AATF: variants seen among roughly 807,000 people sequenced by gnomAD.
AATF encodes apoptosis antagonizing transcription factor.
In AATF, 48 loss-of-function variants were observed where a neutral mutation model predicts 63.7. That is an observed-to-expected ratio of 0.75 (90% CI 0.60 to 0.96). The LOEUF is 0.96. Among genes scored for constraint, AATF ranks in the 40% least tolerant of loss-of-function variants. The probability of loss-of-function intolerance (pLI) is 0.00; values close to 1 mark genes in which losing one functional copy is unlikely to be tolerated. For missense variants in AATF, 639 were observed against 685.7 expected, an observed-to-expected ratio of 0.93 and a Z score of 0.76; for synonymous variants, 258 against 247.7, an observed-to-expected ratio of 1.04 and a Z score of -0.39.
chr17:37,021,820 A>T lies in AATF; in HGVS notation c.1547+806A>T, dbSNP rs867214408. On this transcript the variant is annotated intron_variant, in intron 10 of 11. Coordinates refer to ENST00000619387, the MANE Select transcript of AATF (RefSeq NM_012138.4). ...ACTCCGTCTCAAAAAAAAAAAAAAA[A>T]ATAATAATAATAATAATAATAAATA... is the stretch of plus-strand genomic sequence containing the variant. 2.7e-4 allele frequency among the ~76,000 whole-genome samples: 26 copies of T among 94,776 alleles called. 5 individuals carry two copies. The highest frequency in any genetic ancestry group is 1.5e-3 in the East Asian group (6 of 4,122). The allele number at this position is 94,776 out of a possible 152,430, so 62.2% of individuals were successfully genotyped here. A position where few individuals can be genotyped will look rare whatever the true frequency, so the allele number is the denominator to read the frequency against.
At chr17:37,004,791 G>GCA (rs1315448754) in intron 8 of AATF, among the ~76,000 whole-genome samples, 1 of 152,200 alleles carries the variant, frequency 6.6e-6, no homozygotes, top group East Asian at 1.9e-4. Context: ...AAGCGTAGCT[G>GCA]CACTGTCAGG....
chr17:37,002,096 C>T (rs929698944), intron 8 of AATF, among the ~76,000 whole-genome samples: 4 of 149,580 alleles, frequency 2.7e-5, no homozygotes, highest in Non-Finnish European at 4.4e-5. Flanking sequence ...CAGCCACTCG[C>T]AAGGCTGAGG....
chr17:37,015,594 G>A (rs987575674), intron 8 of AATF, among the ~76,000 whole-genome samples: 9 of 152,136 alleles, frequency 5.9e-5, no homozygotes, highest in Non-Finnish European at 1.2e-4. Context: ...CCTCCCAAAG[G>A]CCATTCCTTC....
Position 36,950,236 on chromosome 17 carries a change from C to A in AATF, c.114C>A (p.Asp38Glu). The A allele has an allele frequency of 1.2e-6, 2 of 1,613,934 alleles. No individual in the cohort carries two copies. Among genetic ancestry groups the A allele is most frequent in the Non-Finnish European group, 1.7e-6 (2 of 1,179,852 alleles). Residue 38 changes from aspartate (D) to glutamate (E), a missense_variant, in exon 2 of 12, where the codon GAC becomes GAA. By Grantham distance (45) the Asp-to-Glu change is conservative. Transcript: ENST00000619387. ...PEEATAARVI[D>E]RFDEGEDGEG... ...CAGCCACTGCTGCCAGGGTGATTGA[C>A]AGGTTTGATGAAGGGGAAGATGGGG... is the stretch of plus-strand genomic sequence containing the variant.
At chr17:37,023,148 GAT>G in intron 10 of AATF, among the ~76,000 whole-genome samples, 1 of 152,270 alleles carries the variant, frequency 6.6e-6, no homozygotes, top group East Asian at 1.9e-4. Context: ...TCTGTCTGGT[GAT>G]ATGATTTTGG....
intron 11 of AATF, among the ~76,000 whole-genome samples, chr17:37,032,604 C>T (rs568425577): frequency 1.3e-5 from 2 of 152,288 alleles, no homozygotes; most frequent in African/African-American, 4.8e-5. Flanking sequence ...GACCTGTCAG[C>T]AGAGACGGGA....
chr17:36,978,453 C>A (rs1330999239), intron 4 of AATF, among the ~76,000 whole-genome samples: 2 of 152,072 alleles, frequency 1.3e-5, no homozygotes, highest in Non-Finnish European at 2.9e-5. Context: ...CCCACGTCTG[C>A]TTTTGGCTTA....
chr17:37,036,417 A>G (rs2071592711), intron 11 of AATF, among the ~76,000 whole-genome samples: 1 of 152,144 alleles, frequency 6.6e-6, no homozygotes, highest in South Asian at 2.1e-4. Context: ...GAGATCTTTA[A>G]CACAGGATAT....
At position 36,953,279 on chromosome 17, in the gene AATF, C is replaced by G. The variant is rs749909733; in HGVS notation, c.677C>G (p.Ala226Gly). Residue 226 changes from alanine to glycine, a missense_variant, in exon 3 of 12, where the codon GCC (alanine) becomes GGC (glycine). Transcript: ENST00000619387. The part of the protein sequence containing the change: ...KVSEEVEKGR[A>G]VKNQIALWDQ... ...TCTGAGGAAGTGGAGAAAGGAAGAG[C>G]CGTGAAGAACCAGATAGGTTTGTAC... 7 of 1,613,528 alleles carry G rather than the reference C, an allele frequency of 4.3e-6. No homozygotes were observed. The East Asian group carries it at 1.6e-4, about 36-fold the overall frequency.
chr17:37,052,947 C>T (rs533071353), intron 11 of AATF, among the ~76,000 whole-genome samples: 4 of 152,228 alleles, frequency 2.6e-5, no homozygotes, highest in East Asian at 1.9e-4. Context: ...GTTGGTTGAC[C>T]GTTAGGACTA....
chr17:36,949,951 A>G (rs1408199690), intron 1 of AATF, among the ~76,000 whole-genome samples: 1 of 152,242 alleles, frequency 6.6e-6, no homozygotes, highest in African/African-American at 2.4e-5. Flanking sequence ...CGACTGTCAC[A>G]CATTGAAGAG....
intron 11 of AATF, among the ~76,000 whole-genome samples, chr17:37,040,363 G>A (rs2071627186): frequency 6.6e-6 from 1 of 151,968 alleles, no homozygotes; most frequent in Admixed American, 6.6e-5. Context: ...TGTCTGATGG[G>A]CAATGAAATA....
intron 8 of AATF, among the ~76,000 whole-genome samples, chr17:36,994,810 C>A (rs535787589): frequency 6.6e-6 from 1 of 152,114 alleles, no homozygotes; most frequent in Admixed American, 6.5e-5. Context: ...ACTTGATAAG[C>A]CTAAGTTTTT....
intron 8 of AATF, among the ~76,000 whole-genome samples, chr17:37,001,454 A>AGGAAGGAAG (rs1446251343): frequency 2.4e-5 from 3 of 126,672 alleles, no homozygotes; most frequent in Admixed American, 7.4e-5. Context: ...GAAGGAAGGA[A>AGGAAGGAAG]GAAAAAAAAA....
intron 8 of AATF, among the ~76,000 whole-genome samples, chr17:37,016,084 A>T (rs989354084): frequency 1.3e-5 from 2 of 152,136 alleles, no homozygotes; most frequent in South Asian, 4.1e-4. Context: ...GCCTAATACA[A>T]TTAGCTTCAT....
At chr17:36,949,360 T>A (rs759118690) in intron 1 of AATF, 144 bp downstream of exon 1, 8 of 753,258 alleles carry the variant, frequency 1.1e-5, no homozygotes, top group Admixed American at 3.3e-5. Flanking sequence ...CCCGCGAGGG[T>A]GGTCCCGGCC....
At chr17:37,022,544 A>G (rs1431674057) in intron 10 of AATF, among the ~76,000 whole-genome samples, 1 of 151,210 alleles carries the variant, frequency 6.6e-6, no homozygotes, top group African/African-American at 2.4e-5. Flanking sequence ...TTATGTCTTG[A>G]AATTTCCGAA....
chr17:36,959,901 A>G (rs73283951), intron 4 of AATF, among the ~76,000 whole-genome samples: 8,502 of 152,246 alleles, frequency 0.056, 778 homozygotes, highest in African/African-American at 0.19. Flanking sequence ...AGATTTCACT[A>G]TTAATAAATT....
intron 8 of AATF, among the ~76,000 whole-genome samples, chr17:37,007,413 A>G (rs1597723034): frequency 7.9e-6 from 1 of 126,348 alleles, no homozygotes; most frequent in East Asian, 2.3e-4. Flanking sequence ...TGCATTGCCT[A>G]GGCTGGTCTC....
Sources: allele counts gnomAD v4.1 joint callset (sites outside exome capture counted in the v4.1 genomes callset), GRCh38; gene constraint gnomAD v4.1.1; transcripts MANE v1.5; gene names NCBI Gene and HGNC (gene_info 2026-07-23, HGNC 2026-07-21).